Variants in RNF17 observed in about 807,000 individuals in gnomAD.
RNF17 encodes ring finger protein 17, also known as spermatogenesis associated 23.
Under a neutral mutation model 200.5 loss-of-function variants are expected in RNF17, and 31 were observed. The ratio of observed to expected loss-of-function variants is 0.15; its 90% CI spans 0.12 to 0.21. RNF17 has a LOEUF of 0.21. RNF17 is among the 10% of genes least tolerant of loss of function. The pLI is 1.00. For missense variants in RNF17, 1,628 were observed against 1,905.1 expected, an observed-to-expected ratio of 0.85 and a Z score of 2.71; for synonymous variants, 606 against 637.8, an observed-to-expected ratio of 0.95 and a Z score of 0.75.
chr13:24,856,537 A>G (rs150655969), intron 25 of RNF17, among the ~76,000 whole-genome samples: 2,616 of 152,238 alleles, frequency 0.017, 76 homozygotes, highest in African/African-American at 0.059. Context: ...AAGCTATCCC[A>G]GAATTGATTT....
intron 16 of RNF17, 95 bp downstream of exon 16, chr13:24,825,867 T>G (rs889127947): frequency 3.6e-5 from 52 of 1,446,784 alleles, no homozygotes; most frequent in Non-Finnish European, 4.6e-5. Flanking sequence ...AGTAATGTTA[T>G]TTGATCTTAT....
chr13:24,870,510 A>T, intron 31 of RNF17, 61 bp from the exon 32 acceptor site: 1 of 1,470,896 alleles, frequency 6.8e-7, no homozygotes, highest in Non-Finnish European at 9.4e-7. Context: ...AATTTTGTCC[A>T]CATACGTGAA....
chr13:24,807,869 G>T (rs1593301844), intron 15 of RNF17, among the ~76,000 whole-genome samples: 1 of 151,448 alleles, frequency 6.6e-6, no homozygotes, highest in African/African-American at 2.4e-5. Context: ...CATATGGCTA[G>T]CCAGTTTTCC....
chr13:24,884,279 C>G (rs1211981447), downstream of RNF17: 2 of 1,613,974 alleles, frequency 1.2e-6, no homozygotes, highest in African/African-American at 2.7e-5. Flanking sequence ...GCCTTTTCTC[C>G]AGAGATGGTT....
chr13:24,826,138 C>T (rs531733563), intron 16 of RNF17: 721 of 960,916 alleles, frequency 7.5e-4, no homozygotes, highest in Admixed American at 1.3e-3. Context: ...CTCTCTGCTT[C>T]CCTTCAATTT....
chr13:24,804,050 C>G, intron 14 of RNF17: 1 of 400,914 alleles, frequency 2.5e-6, no homozygotes, highest in South Asian at 2.6e-5. Context: ...GCAGTAGGGT[C>G]GCCTGAGCCC....
At chr13:24,826,119 C>T (rs1888596631) in intron 16 of RNF17, 1 of 980,840 alleles carries the variant, frequency 1.0e-6, no homozygotes. Flanking sequence ...AAGGTGAGTC[C>T]TTTGTGTCCT....
At chr13:24,830,738 T>C in intron 17 of RNF17, 139 bp downstream of exon 17, 7 of 657,868 alleles carry the variant, frequency 1.1e-5, no homozygotes. Context: ...TAAATGTTGC[T>C]GTGGTTACTA....
At chr13:24,832,611 C>T (rs1030445586) in intron 18 of RNF17, among the ~76,000 whole-genome samples, 1 of 152,156 alleles carries the variant, frequency 6.6e-6, no homozygotes, top group Non-Finnish European at 1.5e-5. Context: ...TGGGCTGCTG[C>T]CCCAGACTCT....
intron 31 of RNF17, 68 bp from the exon 32 acceptor site, chr13:24,870,503 T>G: frequency 7.1e-7 from 1 of 1,406,674 alleles, no homozygotes; most frequent in Admixed American, 1.8e-5. Flanking sequence ...CTACAGTAAT[T>G]TTGTCCACAT....
In RNF17 at chr13:24,844,653, T is replaced by C; in HGVS notation, c.2833T>C (p.Leu945=). 1 of 1,584,696 alleles carries C rather than the reference T, an allele frequency of 6.3e-7. No individual in the cohort carries two copies. Among genetic ancestry groups the C allele is most frequent in the Admixed American group, 1.7e-5 (1 of 58,434 alleles). The part of the protein sequence containing the change: ...WLLTENLLNS[L]EEKMIAAYEN... ...GTTAAATATTTTTTATCTCTATAGT[T>C]TAGAAGAAAAGATGATAGCTGCTTA... The change falls in exon 21 of 36, where the codon TTA becomes CTA. Residue 945 remains leucine, a splice_region_variant and synonymous_variant. Transcript: ENST00000255324.
At chr13:24,872,888 G>A (rs58297918) in intron 32 of RNF17, among the ~76,000 whole-genome samples, 18,731 of 151,996 alleles carry the variant, frequency 0.12, 1,264 homozygotes, top group Admixed American at 0.15. Context: ...GGACAGCCAT[G>A]AACTAAATAG....
At chr13:24,840,076 A>G (rs1162006226) in intron 18 of RNF17, among the ~76,000 whole-genome samples, 2 of 152,220 alleles carry the variant, frequency 1.3e-5, no homozygotes, top group Admixed American at 6.5e-5. Flanking sequence ...ACATGGATAG[A>G]CAGTTCTCAA....
At chr13:24,776,163 C>G (rs898751228) in intron 3 of RNF17, among the ~76,000 whole-genome samples, 6 of 152,096 alleles carry the variant, frequency 3.9e-5, no homozygotes, top group African/African-American at 1.4e-4. Context: ...TTCATTTTAC[C>G]TCCTGCAGAT....
chr13:24,794,298 A>G, intron 10 of RNF17: 1 of 442,014 alleles, frequency 2.3e-6, no homozygotes, highest in Non-Finnish European at 4.5e-6. Context: ...TATGTGTAGT[A>G]AGTAGCTCTT....
intron 26 of RNF17, 121 bp from the exon 27 acceptor site, chr13:24,861,146 TG>T: frequency 1.3e-6 from 1 of 749,336 alleles, no homozygotes; most frequent in Non-Finnish European, 2.0e-6. Context: ...CCCAGAGTGC[TG>T]GGATTATAGG....
chr13:24,882,769 CAG>C (rs141666267), downstream of RNF17: 1,051 of 188,686 alleles, frequency 5.6e-3, 31 homozygotes, highest in East Asian at 0.084. Context: ...ATTTTGGCTA[CAG>C]AGACACGTGT....
At chr13:24,877,269 T>A in intron 34 of RNF17, 83 bp downstream of exon 34, 1 of 1,126,244 alleles carries the variant, frequency 8.9e-7, no homozygotes, top group Non-Finnish European at 1.3e-6. Context: ...ATGCAGCGTC[T>A]ACATGCGAGA....
chr13:24,838,392 T>G (rs1288944327), intron 18 of RNF17, among the ~76,000 whole-genome samples: 1 of 152,058 alleles, frequency 6.6e-6, no homozygotes, highest in Non-Finnish European at 1.5e-5. Flanking sequence ...AAGAAAACTA[T>G]AGACTGATAT....
Sources: allele counts gnomAD v4.1 joint callset (sites outside exome capture counted in the v4.1 genomes callset), GRCh38; gene constraint gnomAD v4.1.1; transcripts MANE v1.5; gene names NCBI Gene and HGNC (gene_info 2026-07-23, HGNC 2026-07-21).